ZNF880: variants seen among roughly 807,000 people sequenced by gnomAD.
The protein encoded by ZNF880 is zinc finger protein LOC400713.
ZNF880 carries 12 observed loss-of-function variants against 11.8 expected under a neutral mutation model. That is an observed-to-expected ratio of 1.02 (90% CI 0.65 to 1.65). ZNF880 has a LOEUF of 1.65. Ranked by LOEUF, ZNF880 falls within the 40% of genes most tolerant of loss-of-function variation. ZNF880 has a pLI of 0.00. For missense variants in ZNF880, 601 were observed against 673.9 expected (o/e 0.89, Z 1.20); for synonymous variants, 210 against 232.4 (o/e 0.90, Z 0.88).
intron 3 of ZNF880, among the ~76,000 whole-genome samples, chr19:52,374,976 A>G (rs974138417): frequency 6.6e-6 from 1 of 150,842 alleles, no homozygotes; most frequent in South Asian, 2.1e-4. Flanking sequence ...GGCCTCAACT[A>G]TTCTTCCCAC....
chr19:52,396,545 G>A, the ZNF880 span: 6 of 152,178 alleles, frequency 3.9e-5, no homozygotes, highest in Non-Finnish European at 7.3e-5. Context: ...TTCTTCAGGT[G>A]ACCCCACTGT....
chr19:52,381,464 T>C (rs1986703005), intron 3 of ZNF880, among the ~76,000 whole-genome samples: 2 of 152,234 alleles, frequency 1.3e-5, no homozygotes, highest in South Asian at 2.1e-4. Context: ...CATTTCAGCC[T>C]GTGTGTGTCC....
intron 3 of ZNF880, chr19:52,380,117 C>T (rs1986666754): frequency 6.6e-6 from 1 of 151,908 alleles, no homozygotes; most frequent in Admixed American, 6.5e-5. Context: ...CCAGGCTGGT[C>T]TCCAACTCCT....
At chr19:52,369,427 T>C (rs1423034883), upstream of ZNF880, among the ~76,000 whole-genome samples, 1 of 151,756 alleles carries the variant, frequency 6.6e-6, no homozygotes, top group African/African-American at 2.4e-5. Flanking sequence ...GCATTTCATA[T>C]TTTAATTTGC....
Position 52,384,810 on chromosome 19 carries a change from T to C in ZNF880, c.1230T>C (p.Cys410=). 1 of 1,611,432 alleles carries C rather than the reference T, an allele frequency of 6.2e-7. No individual in the cohort carries two copies. Among genetic ancestry groups the C allele is most frequent in the Admixed American group, 1.7e-5 (1 of 59,870 alleles). Residue 410 remains cysteine (C), a synonymous_variant, in exon 4 of 4, where the codon TGT becomes TGC. Coordinates refer to ENST00000422689, the MANE Select transcript of ZNF880 (RefSeq NM_001145434.2). The part of the protein sequence containing the change: ...RMHTGEQPYK[C]NECGKAFRDC... ...ACACGGGAGAGCAACCTTACAAATG[T>C]AATGAATGTGGCAAAGCATTTAGAG...
Position 52,385,468 on chromosome 19 carries a change from C to G in ZNF880, c.*154C>G, listed in dbSNP as rs761035660. On this transcript the variant is annotated 3_prime_UTR_variant, in exon 4 of 4. Transcript: ENST00000422689. ...CAGAGATTCCATACTAAAGAGAAATCATAGCAATGTATGTGAATCAGGTCT... is the reference window on the plus strand; with the variant it reads ...CAGAGATTCCATACTAAAGAGAAATGATAGCAATGTATGTGAATCAGGTCT... 2.2e-6 allele frequency: 2 copies of G among 901,342 alleles called. No individual in the cohort carries two copies. Among genetic ancestry groups the G allele is most frequent in the Non-Finnish European group, 3.3e-6 (2 of 610,316 alleles). 55.8% of individuals were successfully genotyped at this position (901,342 alleles called of 1,614,324 possible).
intron 3 of ZNF880, among the ~76,000 whole-genome samples, chr19:52,377,476 G>A (rs538855442): frequency 6.6e-6 from 1 of 152,232 alleles, no homozygotes; most frequent in South Asian, 2.1e-4. Flanking sequence ...CTGATATTAT[G>A]TATCTGGAAT....
chr19:52,370,126 G>C (rs1279958633), intron 1 of ZNF880, 149 bp downstream of exon 1: 5 of 1,083,494 alleles, frequency 4.6e-6, no homozygotes, highest in Non-Finnish European at 6.8e-6. Context: ...AGAGTCTGGC[G>C]GTCGCTTCCC....
chr19:52,390,919 A>G, the ZNF880 span: 1 of 153,134 alleles, frequency 6.5e-6, no homozygotes, highest in East Asian at 1.9e-4. Flanking sequence ...GCGACGAGCA[A>G]AACTCCATCT....
At chr19:52,389,525 T>C (rs557998932), downstream of ZNF880, 1 of 152,366 alleles carries the variant, frequency 6.6e-6, no homozygotes, top group Admixed American at 6.5e-5. Context: ...CCAGTGGTCT[T>C]GCAGGGAACC....
chr19:52,369,400 C>T (rs1986280514), upstream of ZNF880, among the ~76,000 whole-genome samples: 1 of 151,340 alleles, frequency 6.6e-6, no homozygotes, highest in Admixed American at 6.6e-5. Flanking sequence ...TTGCACATTC[C>T]GCCCTGGCAG....
the ZNF880 span, among the ~76,000 whole-genome samples, chr19:52,393,827 C>G: frequency 8.4e-6 from 1 of 119,558 alleles, no homozygotes. Flanking sequence ...TATTTCTTTG[C>G]CCCCCCCCTT....
In ZNF880 at chr19:52,384,888, C is replaced by G; in HGVS notation, c.1308C>G (p.Tyr436Ter). The G allele has an allele frequency of 6.2e-7, 1 of 1,611,358 alleles. No homozygotes were observed. The highest frequency in any genetic ancestry group is 8.5e-7 in the Non-Finnish European group (1 of 1,178,624). ...HLLIHTGEKP[Y>*]KCKECAKVFR... ...TAATTCACACTGGAGAGAAACCTTA[C>G]AAATGTAAAGAATGTGCCAAGGTCT... The change falls in exon 4 of 4, where the codon TAC (tyrosine) becomes TAG (stop). Residue 436 changes from tyrosine to a stop codon, truncating the protein, a stop_gained. Transcript: ENST00000422689. LOFTEE classifies it low-confidence loss of function (END_TRUNC).
intron 1 of ZNF880, among the ~76,000 whole-genome samples, chr19:52,372,219 T>C (rs1030895395): frequency 1.3e-5 from 2 of 151,632 alleles, no homozygotes; most frequent in African/African-American, 4.8e-5. Flanking sequence ...TATCTGACGC[T>C]TCTATAGAAA....
intron 1 of ZNF880, among the ~76,000 whole-genome samples, chr19:52,371,196 T>C (rs151104123): frequency 1.5e-3 from 231 of 152,318 alleles, no homozygotes; most frequent in Admixed American, 3.7e-3. Flanking sequence ...TACACTGTTA[T>C]GATAGTGAGT....
Position 52,374,409 on chromosome 19 carries a change from A to G in ZNF880, c.250A>G (p.Ile84Val). 1 of 1,612,650 alleles carries G rather than the reference A, an allele frequency of 6.2e-7. No homozygotes were observed. Among genetic ancestry groups the G allele is most frequent in the East Asian group, 2.2e-5 (1 of 44,870 alleles). Residue 84 changes from isoleucine (I) to valine (V), a missense_variant, in exon 3 of 4, where the codon ATC (isoleucine) becomes GTC (valine). Physicochemically the swap from Ile to Val is conservative, Grantham distance 29. Transcript: ENST00000422689. Reference protein sequence around the residue: ...IANNPGGRECIKGVNAESSSK... With the variant: ...IANNPGGRECVKGVNAESSSK... ...AAACAATCCAGGTGGCAGGGAGTGCATCAAAGGTGTGAACGCAGGTAAGAG... is the reference window on the plus strand; with the variant it reads ...AAACAATCCAGGTGGCAGGGAGTGCGTCAAAGGTGTGAACGCAGGTAAGAG...
At chr19:52,382,436 T>A (rs1484014268) in intron 3 of ZNF880, among the ~76,000 whole-genome samples, 1 of 152,120 alleles carries the variant, frequency 6.6e-6, no homozygotes, top group Non-Finnish European at 1.5e-5. Context: ...ATTGAAGGAG[T>A]CCCTTTAGCA....
chr19:52,373,789 G>C (rs1986467427), intron 2 of ZNF880, among the ~76,000 whole-genome samples: 1 of 146,832 alleles, frequency 6.8e-6, no homozygotes, highest in African/African-American at 2.5e-5. Flanking sequence ...TTCTGCCTCA[G>C]CCTCCCGAGT....
At position 52,373,192 on chromosome 19, in the gene ZNF880, T is replaced by A; in HGVS notation, c.94T>A (p.Tyr32Asn). ...TCTGGACCCTGCTCAGAGGACTTTA[T>A]ACAGGGAAGTGATGGTGGAGAACTA... ...KCLDPAQRTL[Y>N]REVMVENYRN... is the part of the protein sequence containing the mutation. The change falls in exon 2 of 4, where the codon TAC (tyrosine) becomes AAC (asparagine). Residue 32 changes from tyrosine (Y) to asparagine (N), a missense_variant. Physicochemically the swap from Tyr to Asn is moderately radical, Grantham distance 143. Transcript: ENST00000422689. 2 of 1,613,346 alleles carry A rather than the reference T, an allele frequency of 1.2e-6. No individual in the cohort carries two copies. Among genetic ancestry groups the A allele is most frequent in the Non-Finnish European group, 1.7e-6 (2 of 1,179,554 alleles).
Sources: allele counts gnomAD v4.1 joint callset (sites outside exome capture counted in the v4.1 genomes callset), GRCh38; gene constraint gnomAD v4.1.1; transcripts MANE v1.5; gene names NCBI Gene and HGNC (gene_info 2026-07-23, HGNC 2026-07-21).